GNPTAB: variants seen among roughly 807,000 people sequenced by gnomAD.
The protein encoded by GNPTAB is N-acetylglucosamine-1-phosphate transferase subunits alpha and beta.
A neutral mutation model predicts 136.6 loss-of-function variants in GNPTAB; 92 were observed. The ratio of observed to expected loss-of-function variants is 0.67; its 90% CI spans 0.57 to 0.80. GNPTAB has a LOEUF of 0.80. Among genes scored for constraint, GNPTAB ranks in the 30% least tolerant of loss-of-function variants. The pLI, the probability that GNPTAB is intolerant of heterozygous loss-of-function variation, is 0.00. For missense variants in GNPTAB, 1,343 were observed against 1,501.8 expected (o/e 0.89, Z 1.75); for synonymous variants, 512 against 535.1 (o/e 0.96, Z 0.60).
chr12:101,800,161 T>C (rs944393292), intron 1 of GNPTAB, among the ~76,000 whole-genome samples: 2 of 148,922 alleles, frequency 1.3e-5, no homozygotes, highest in Non-Finnish European at 3.0e-5. Flanking sequence ...GTCCCTCTCC[T>C]GGGACCTCTG....
At chr12:101,751,084 C>T (rs779878400) in intron 19 of GNPTAB, among the ~76,000 whole-genome samples, 2 of 151,894 alleles carry the variant, frequency 1.3e-5, no homozygotes, top group Non-Finnish European at 2.9e-5. Context: ...TGACAAACAT[C>T]TAAAAAAAAA....
rs372591533 is a variant in GNPTAB, at chr12:101,765,125, T to C, written c.1792A>G (p.Ile598Val). 6.2e-7 allele frequency: 1 copy of C among 1,614,160 alleles called. No homozygotes were observed. The highest frequency in any genetic ancestry group is 8.5e-7 in the Non-Finnish European group (1 of 1,180,008). Residue 598 changes from isoleucine to valine, a missense_variant, in exon 13 of 21, where the codon ATC (isoleucine) becomes GTC (valine). Coordinates refer to ENST00000299314, the MANE Select transcript of GNPTAB (RefSeq NM_024312.5). ...ATTCCACTGTGCATTATGAGGTGGA[T>C]GGTTTTCCACTTGTTGGCAATAGAA... Reference protein sequence around the residue: ...HASIANKWKTIHLIMHSGMNA... With the variant: ...HASIANKWKTVHLIMHSGMNA...
chr12:101,815,873 G>C (rs1870491968), intron 1 of GNPTAB, among the ~76,000 whole-genome samples: 1 of 152,140 alleles, frequency 6.6e-6, no homozygotes, highest in African/African-American at 2.4e-5. Flanking sequence ...GAAGAGAATA[G>C]AGAATTCAGA....
chr12:101,768,123 C>A lies in GNPTAB; in HGVS notation c.1322G>T (p.Gly441Val). ...LTWPVPNCAEGCPGSWIKDGY... is the reference protein window; with the variant it reads ...LTWPVPNCAEVCPGSWIKDGY... ...ATCCTTAATCCAGGAACCTGGGCAG[C>A]CCTCGGCACAGTTTGGCACAGGCCA... Residue 441 changes from glycine (G) to valine (V), a missense_variant, in exon 11 of 21, where the codon GGC (glycine) becomes GTC (valine). Physicochemically the swap from Gly to Val is moderately radical, Grantham distance 109. Transcript: ENST00000299314. The A allele has an allele frequency of 9.3e-6, 15 of 1,614,096 alleles. No homozygotes were observed. The highest frequency in any genetic ancestry group is 2.2e-5 in the East Asian group (1 of 44,886).
intron 1 of GNPTAB, among the ~76,000 whole-genome samples, chr12:101,830,276 A>G (rs1021306892): frequency 6.6e-6 from 1 of 152,196 alleles, no homozygotes; most frequent in South Asian, 2.1e-4. Flanking sequence ...AATCACATAC[A>G]TGCCTTTTTC....
intron 3 of GNPTAB, among the ~76,000 whole-genome samples, chr12:101,789,353 G>T (rs1868848805): frequency 6.6e-6 from 1 of 152,222 alleles, no homozygotes; most frequent in South Asian, 2.1e-4. Flanking sequence ...AGGCCAGATG[G>T]ATGACTGCCA....
chr12:101,822,659 C>T (rs1355477765), intron 1 of GNPTAB, among the ~76,000 whole-genome samples: 3 of 152,194 alleles, frequency 2.0e-5, no homozygotes, highest in South Asian at 2.1e-4. Flanking sequence ...CTGCAGCAGG[C>T]CTGTACTGGG....
intron 19 of GNPTAB, among the ~76,000 whole-genome samples, chr12:101,750,111 G>A (rs1952794595): frequency 6.6e-6 from 1 of 152,186 alleles, no homozygotes; most frequent in African/African-American, 2.4e-5. Flanking sequence ...ACTGGACCTG[G>A]AGCCAAGAGA....
chr12:101,759,316 T>C (rs909975810), intron 16 of GNPTAB, among the ~76,000 whole-genome samples: 10 of 126,136 alleles, frequency 7.9e-5, no homozygotes, highest in African/African-American at 2.5e-4. Flanking sequence ...TGAGCCAAGA[T>C]AGCGCCACTG....
chr12:101,749,821 C>T (rs1008547994), intron 19 of GNPTAB, among the ~76,000 whole-genome samples: 42 of 152,144 alleles, frequency 2.8e-4, no homozygotes, highest in African/African-American at 9.4e-4. Context: ...TGAATCCATG[C>T]GGCAGCATGG....
chr12:101,770,108 G>T lies in GNPTAB; in HGVS notation c.1197C>A (p.Ser399=). The T allele has an allele frequency of 6.2e-7, 1 of 1,614,016 alleles. No homozygotes were observed. Among genetic ancestry groups the T allele is most frequent in the Non-Finnish European group, 8.5e-7 (1 of 1,179,982 alleles). The change falls in exon 10 of 21, where the codon TCC becomes TCA. Residue 399 remains serine (S), a synonymous_variant. Coordinates refer to ENST00000299314, the MANE Select transcript of GNPTAB (RefSeq NM_024312.5). ...ESHIHRIEGL[S]QKFIYLNDDV... ...CATCATTTAGGTAAATAAACTTCTGGGACAGCCCTTCGATGCGATGAATGT... is the reference window on the plus strand; with the variant it reads ...CATCATTTAGGTAAATAAACTTCTGTGACAGCCCTTCGATGCGATGAATGT...
intron 3 of GNPTAB, among the ~76,000 whole-genome samples, chr12:101,789,238 G>A (rs1184247752): frequency 4.6e-5 from 7 of 152,186 alleles, no homozygotes; most frequent in African/African-American, 1.7e-4. Flanking sequence ...GTCCCTTGAA[G>A]AGCAAGCCGT....
intron 16 of GNPTAB, among the ~76,000 whole-genome samples, chr12:101,758,281 C>T (rs747802002): frequency 1.3e-5 from 2 of 152,310 alleles, no homozygotes; most frequent in Middle Eastern, 3.4e-3. Flanking sequence ...TCAAGTGATC[C>T]GCCCGCCTTG....
At chr12:101,805,370 C>A (rs920639227) in intron 1 of GNPTAB, among the ~76,000 whole-genome samples, 2 of 152,056 alleles carry the variant, frequency 1.3e-5, no homozygotes, top group Non-Finnish European at 1.5e-5. Flanking sequence ...GCTAAAAAGT[C>A]ATAAAAGGTG....
chr12:101,764,714 A>C lies in GNPTAB; in HGVS notation c.2203T>G (p.Leu735Val). Residue 735 changes from leucine to valine, a missense_variant, in exon 13 of 21, where the codon TTG (leucine) becomes GTG (valine). Transcript: ENST00000299314. ...GAGTTCATCAGAAATGATCTCAGCA[A>C]GGCTGACTTGGACAAATTGTATCCT... ...LKGYNLSKSA[L>V]LRSFLMNSQH... is the part of the protein sequence containing the mutation. 1.2e-6 allele frequency: 2 copies of C among 1,613,460 alleles called. No homozygotes were observed. Among genetic ancestry groups the C allele is most frequent in the Non-Finnish European group, 1.7e-6 (2 of 1,179,568 alleles).
intron 18 of GNPTAB, among the ~76,000 whole-genome samples, chr12:101,755,843 T>C (rs1952893809): frequency 6.6e-6 from 1 of 152,228 alleles, no homozygotes; most frequent in Non-Finnish European, 1.5e-5. Context: ...GCCATGTGTC[T>C]TTTTACTAAA....
chr12:101,825,416 A>C (rs1871040010), intron 1 of GNPTAB, among the ~76,000 whole-genome samples: 1 of 152,218 alleles, frequency 6.6e-6, no homozygotes, highest in South Asian at 2.1e-4. Context: ...TAAACGCTAC[A>C]TCAGAGCAAA....
At chr12:101,818,745 A>G (rs191839016) in intron 1 of GNPTAB, among the ~76,000 whole-genome samples, 1 of 152,158 alleles carries the variant, frequency 6.6e-6, no homozygotes, top group Non-Finnish European at 1.5e-5. Context: ...CCCAAATCTC[A>G]TTTTGAATTG....
At chr12:101,761,051 T>TG in intron 15 of GNPTAB, 76 bp downstream of exon 15, 1 of 1,059,516 alleles carries the variant, frequency 9.4e-7, no homozygotes, top group Admixed American at 1.9e-5. Context: ...GGATTACAGG[T>TG]GTGAGCCACT....
Sources: gnomAD v4.1 joint callset for allele counts (sites outside exome capture counted in the v4.1 genomes callset) on GRCh38, gnomAD v4.1.1 for gene constraint, MANE v1.5 for transcripts, NCBI Gene and HGNC (gene_info 2026-07-23, HGNC 2026-07-21) for gene names.